Variants in CCSER1 observed in about 807,000 individuals in gnomAD.
The protein encoded by CCSER1 is serine-rich coiled-coil domain-containing protein 1.
Under a neutral mutation model 82.0 loss-of-function variants are expected in CCSER1, and 41 were observed. The ratio of observed to expected loss-of-function variants is 0.50; its 90% CI spans 0.39 to 0.65. CCSER1 has a LOEUF of 0.65. Ranked by LOEUF, CCSER1 falls within the 30% of genes least tolerant of loss-of-function variation. The probability of loss-of-function intolerance (pLI) is 0.00; values close to 1 mark genes in which losing one functional copy is unlikely to be tolerated. For missense variants in CCSER1, 1,119 were observed against 1,064.2 expected (o/e 1.05, Z -0.72); for synonymous variants, 414 against 383.9 (o/e 1.08, Z -0.92).
At chr4:90,609,739 T>A (rs1785202458) in intron 5 of CCSER1, among the ~76,000 whole-genome samples, 1 of 152,142 alleles carries the variant, frequency 6.6e-6, no homozygotes. Context: ...CAGAAAACAT[T>A]TATGAATAAG....
chr4:91,124,519 T>C (rs146927974), intron 10 of CCSER1, among the ~76,000 whole-genome samples: 1 of 151,950 alleles, frequency 6.6e-6, no homozygotes, highest in East Asian at 1.9e-4. Context: ...CCCATCTCCC[T>C]CATCCCATTC....
intron 5 of CCSER1, among the ~76,000 whole-genome samples, chr4:90,570,831 C>T (rs1267303395): frequency 6.6e-6 from 1 of 152,058 alleles, no homozygotes; most frequent in Non-Finnish European, 1.5e-5. Context: ...ACTGGACTGA[C>T]ACTTGAATTA....
intron 7 of CCSER1, among the ~76,000 whole-genome samples, chr4:90,810,574 G>C (rs1406511321): frequency 6.6e-6 from 1 of 151,818 alleles, no homozygotes; most frequent in African/African-American, 2.4e-5. Flanking sequence ...GAACCTGGGA[G>C]GCAGATGTTG....
In CCSER1 at chr4:90,309,417, G is replaced by A; in HGVS notation, c.1133G>A (p.Gly378Glu). 6.2e-7 allele frequency: 1 copy of A among 1,613,716 alleles called. No individual in the cohort carries two copies. Among genetic ancestry groups the A allele is most frequent in the Non-Finnish European group, 8.5e-7 (1 of 1,179,778 alleles). ...GATAGTGAAAGAGAAGAAAATATAG[G>A]GTTACAAAATGGTGAAACAATGCTG... ...PADSEREENIGLQNGETMLGT... is the reference protein window; with the variant it reads ...PADSEREENIELQNGETMLGT... Residue 378 changes from glycine to glutamate, a missense_variant, in exon 2 of 11, where the codon GGG becomes GAG. By Grantham distance (98) the Gly-to-Glu change is moderately conservative. Transcript: ENST00000509176.
At chr4:90,732,577 A>G (rs1445326605) in intron 7 of CCSER1, among the ~76,000 whole-genome samples, 2 of 152,184 alleles carry the variant, frequency 1.3e-5, no homozygotes, top group African/African-American at 4.8e-5. Context: ...TGTACAAACT[A>G]CTTAGGGACA....
intron 10 of CCSER1, among the ~76,000 whole-genome samples, chr4:91,162,714 G>A (rs1731558909): frequency 1.3e-5 from 2 of 152,174 alleles, no homozygotes; most frequent in African/African-American, 4.8e-5. Context: ...TAGTTTATTT[G>A]CATAGAGGTG....
chr4:91,135,062 G>GAA (rs113864414), intron 10 of CCSER1, among the ~76,000 whole-genome samples: 5 of 127,808 alleles, frequency 3.9e-5, no homozygotes, highest in African/African-American at 5.8e-5. Flanking sequence ...CTGTCTCAAA[G>GAA]AAAAAAAAAA....
chr4:91,539,533 G>T (rs1055494465), intron 10 of CCSER1, among the ~76,000 whole-genome samples: 4 of 152,000 alleles, frequency 2.6e-5, no homozygotes. Flanking sequence ...ATATGGTAAA[G>T]CTCAATAAAT....
At chr4:90,606,881 C>T (rs1784792653) in intron 5 of CCSER1, among the ~76,000 whole-genome samples, 1 of 152,194 alleles carries the variant, frequency 6.6e-6, no homozygotes, top group African/African-American at 2.4e-5. Context: ...GGCATTCACA[C>T]TGAGGCTGGG....
intron 10 of CCSER1, among the ~76,000 whole-genome samples, chr4:91,432,872 T>C (rs1285093334): frequency 6.6e-6 from 1 of 152,122 alleles, no homozygotes; most frequent in Middle Eastern, 3.2e-3. Context: ...TATTAAGTTT[T>C]GGTTTTGGAA....
intron 1 of CCSER1, among the ~76,000 whole-genome samples, chr4:90,140,831 A>G (rs1444621632): frequency 6.6e-6 from 1 of 150,986 alleles, no homozygotes; most frequent in East Asian, 2.0e-4. Context: ...AGCCCGGCTA[A>G]TTTTTTTGTA....
At chr4:90,717,934 A>G (rs1210057647) in intron 6 of CCSER1, among the ~76,000 whole-genome samples, 3 of 151,990 alleles carry the variant, frequency 2.0e-5, no homozygotes, top group South Asian at 2.1e-4. Flanking sequence ...CTTAAAGTCT[A>G]AGAGCAGGGA....
chr4:91,137,261 G>A (rs938037490), intron 10 of CCSER1, among the ~76,000 whole-genome samples: 1 of 103,672 alleles, frequency 9.6e-6, no homozygotes, highest in Non-Finnish European at 2.1e-5. Context: ...AATATGCGGT[G>A]TTTGGTTTTT....
intron 7 of CCSER1, among the ~76,000 whole-genome samples, chr4:90,799,166 G>C (rs190861724): frequency 1.3e-5 from 2 of 152,250 alleles, no homozygotes; most frequent in East Asian, 3.9e-4. Context: ...TGGGGTGCTG[G>C]TAGGCACAGG....
intron 8 of CCSER1, among the ~76,000 whole-genome samples, chr4:90,907,566 T>C (rs1284587204): frequency 6.6e-6 from 1 of 152,102 alleles, no homozygotes; most frequent in Non-Finnish European, 1.5e-5. Flanking sequence ...CAATGTAAAA[T>C]TCAGGCAATA....
intron 8 of CCSER1, among the ~76,000 whole-genome samples, chr4:90,915,005 A>C (rs1727090344): frequency 6.6e-6 from 1 of 152,196 alleles, no homozygotes; most frequent in African/African-American, 2.4e-5. Flanking sequence ...ACAGGCTCTG[A>C]AATTGAGGCA....
chr4:91,467,923 C>A (rs879387991), intron 10 of CCSER1, among the ~76,000 whole-genome samples: 3 of 152,146 alleles, frequency 2.0e-5, no homozygotes, highest in Admixed American at 2.0e-4. Context: ...ACTATTTCAA[C>A]CATTGTGGAA....
chr4:90,267,907 A>G (rs1725528206), intron 1 of CCSER1, among the ~76,000 whole-genome samples: 1 of 152,216 alleles, frequency 6.6e-6, no homozygotes, highest in South Asian at 2.1e-4. Flanking sequence ...GCAAGGGAAT[A>G]GAAACAAATA....
intron 5 of CCSER1, among the ~76,000 whole-genome samples, chr4:90,521,348 G>A (rs1316176707): frequency 6.6e-6 from 1 of 152,144 alleles, no homozygotes; most frequent in Non-Finnish European, 1.5e-5. Flanking sequence ...TTGTTTGTCG[G>A]AAAGGGTAGG....
Sources: gnomAD v4.1 joint callset for allele counts (sites outside exome capture counted in the v4.1 genomes callset) on GRCh38, gnomAD v4.1.1 for gene constraint, MANE v1.5 for transcripts, NCBI Gene and HGNC (gene_info 2026-07-23, HGNC 2026-07-21) for gene names.